HS3ST2: variants seen among roughly 807,000 people sequenced by gnomAD.
HS3ST2 encodes the protein heparan sulfate glucosamine 3-O-sulfotransferase 2.
In HS3ST2, 17 loss-of-function variants were observed where a neutral mutation model predicts 26.3. The ratio of observed to expected loss-of-function variants is 0.65; its 90% CI spans 0.44 to 0.97. The LOEUF is 0.97. Among genes scored for constraint, HS3ST2 ranks in the 50% least tolerant of loss-of-function variants. The pLI is 0.00. For synonymous variants in HS3ST2, 237 were observed against 219.2 expected (o/e 1.08, Z -0.72); for missense variants, 402 against 501.2 (o/e 0.80, Z 1.89).
chr16:22,866,598 C>T (rs530893093), intron 1 of HS3ST2, among the ~76,000 whole-genome samples: 10 of 151,808 alleles, frequency 6.6e-5, no homozygotes, highest in Admixed American at 1.3e-4. Flanking sequence ...GGCAAGACCC[C>T]GTCTCTACAA....
At chr16:22,815,231 G>C in intron 1 of HS3ST2, 136 bp downstream of exon 1, 1 of 1,173,722 alleles carries the variant, frequency 8.5e-7, no homozygotes. Context: ...GGGCCATGGG[G>C]GGCTATAGCA....
At chr16:22,889,089 G>C (rs1266960106) in intron 1 of HS3ST2, among the ~76,000 whole-genome samples, 2 of 152,204 alleles carry the variant, frequency 1.3e-5, no homozygotes, top group African/African-American at 4.8e-5. Context: ...GACAGTCGAG[G>C]TCGGCCCATC....
chr16:22,882,406 G>A (rs1902000580), intron 1 of HS3ST2, among the ~76,000 whole-genome samples: 1 of 152,100 alleles, frequency 6.6e-6, no homozygotes, highest in Admixed American at 6.6e-5. Context: ...AGAGAACCTT[G>A]GAGATCAGTG....
At chr16:22,891,603 A>G (rs1361098901) in intron 1 of HS3ST2, among the ~76,000 whole-genome samples, 2 of 152,228 alleles carry the variant, frequency 1.3e-5, no homozygotes, top group Non-Finnish European at 2.9e-5. Flanking sequence ...TAAAAAATCA[A>G]TTTTAAAATT....
chr16:22,900,986 T>G (rs537196317), intron 1 of HS3ST2, among the ~76,000 whole-genome samples: 2 of 152,172 alleles, frequency 1.3e-5, no homozygotes, highest in Admixed American at 1.3e-4. Context: ...AGATAGCTGG[T>G]TTTTTTGAAA....
intron 1 of HS3ST2, among the ~76,000 whole-genome samples, chr16:22,885,130 C>T (rs924133014): frequency 2.0e-5 from 3 of 151,860 alleles, no homozygotes; most frequent in Admixed American, 6.6e-5. Flanking sequence ...CATAAGCCAT[C>T]GCTCCCAGCC....
chr16:22,908,714 C>G (rs1902385003), intron 1 of HS3ST2, among the ~76,000 whole-genome samples: 1 of 152,148 alleles, frequency 6.6e-6, no homozygotes, highest in African/African-American at 2.4e-5. Context: ...TCCTTTAATT[C>G]ATTAATCCAT....
chr16:22,814,824 C>T lies in HS3ST2; in HGVS notation c.214C>T (p.Pro72Ser). 1 of 1,576,534 alleles carries T rather than the reference C, an allele frequency of 6.3e-7. No individual in the cohort carries two copies. The highest frequency in any genetic ancestry group is 8.6e-7 in the Non-Finnish European group (1 of 1,162,112). Residue 72 changes from proline to serine, a missense_variant, in exon 1 of 2, where the codon CCC becomes TCC. Around this residue, in one of 2 missense-constraint regions of HS3ST2, gnomAD observed 165 missense variants for 154.6 expected, o/e 1.07. Coordinates refer to ENST00000261374, the MANE Select transcript of HS3ST2 (RefSeq NM_006043.2). ...CCAGAAACTTCTCCAGAAGTCCCGC[C>T]CCTGTGATCCCTCCGGGCCGACGCC... ...GGQKLLQKSR[P>S]CDPSGPTPSE...
chr16:22,842,813 C>G (rs11642548), intron 1 of HS3ST2, among the ~76,000 whole-genome samples: 2 of 152,268 alleles, frequency 1.3e-5, no homozygotes, highest in East Asian at 3.9e-4. Context: ...AAAACTTCCT[C>G]TACGATTTTT....
chr16:22,896,382 A>T (rs1208296162), intron 1 of HS3ST2, among the ~76,000 whole-genome samples: 2 of 152,194 alleles, frequency 1.3e-5, no homozygotes, highest in Non-Finnish European at 2.9e-5. Context: ...TTTCGTTCAG[A>T]CTAGGCTGAC....
chr16:22,823,070 T>C (rs575587702), intron 1 of HS3ST2, among the ~76,000 whole-genome samples: 1 of 152,286 alleles, frequency 6.6e-6, no homozygotes, highest in South Asian at 2.1e-4. Flanking sequence ...TGTGCAAGTA[T>C]AGTTAAAATA....
chr16:22,816,833 G>C (rs960193837), intron 1 of HS3ST2, among the ~76,000 whole-genome samples: 8 of 152,200 alleles, frequency 5.3e-5, no homozygotes, highest in Admixed American at 2.6e-4. Context: ...AGATCATTAT[G>C]ACACCTTTTG....
chr16:22,889,912 T>A (rs1042057957), intron 1 of HS3ST2, among the ~76,000 whole-genome samples: 9 of 152,162 alleles, frequency 5.9e-5, no homozygotes, highest in South Asian at 2.1e-4. Context: ...AAATATTTTT[T>A]AAAAAATAAA....
In HS3ST2 at chr16:22,814,334, A is replaced by C; in HGVS notation, c.-277A>C. 1 of 363,922 alleles carries C rather than the reference A, an allele frequency of 2.7e-6. No homozygotes were observed. Among genetic ancestry groups the C allele is most frequent in the Non-Finnish European group, 4.9e-6 (1 of 204,888 alleles). 22.5% of individuals were successfully genotyped at this position (363,922 alleles called of 1,614,324 possible). On this transcript the variant is annotated 5_prime_UTR_variant, in exon 1 of 2. Coordinates refer to ENST00000261374, the MANE Select transcript of HS3ST2 (RefSeq NM_006043.2). ...AACCCGGCGCACGTAAGAGCCTGGG[A>C]GCGCCCGAGCCGCCCGGCTGCCCGG...
intron 1 of HS3ST2, among the ~76,000 whole-genome samples, chr16:22,909,069 TC>T (rs1902389446): frequency 6.6e-6 from 1 of 152,220 alleles, no homozygotes; most frequent in African/African-American, 2.4e-5. Flanking sequence ...AGGAATCTCT[TC>T]CAGGGTTTTA....
chr16:22,902,525 C>T (rs1180481890), intron 1 of HS3ST2, among the ~76,000 whole-genome samples: 1 of 152,206 alleles, frequency 6.6e-6, no homozygotes, highest in African/African-American at 2.4e-5. Flanking sequence ...GAACACCTGG[C>T]ACATGAGTCT....
At chr16:22,826,902 A>G (rs1901094617) in intron 1 of HS3ST2, among the ~76,000 whole-genome samples, 1 of 152,246 alleles carries the variant, frequency 6.6e-6, no homozygotes, top group Non-Finnish European at 1.5e-5. Context: ...CATGCTGCTT[A>G]CTTTTCTACA....
At chr16:22,857,890 C>G (rs948515436) in intron 1 of HS3ST2, among the ~76,000 whole-genome samples, 7 of 152,110 alleles carry the variant, frequency 4.6e-5, no homozygotes, top group Admixed American at 2.6e-4. Context: ...CCATTTCCAT[C>G]TATAATTAAT....
At chr16:22,867,247 C>T (rs955277282) in intron 1 of HS3ST2, among the ~76,000 whole-genome samples, 1 of 152,018 alleles carries the variant, frequency 6.6e-6, no homozygotes, top group African/African-American at 2.4e-5. Flanking sequence ...CTCATATATA[C>T]CAAAATAAGT....
Sources: gnomAD v4.1 joint callset for allele counts (sites outside exome capture counted in the v4.1 genomes callset) on GRCh38, gnomAD v4.1.1 for gene constraint, gnomAD v4.1.1 regional missense constraint, MANE v1.5 for transcripts, NCBI Gene and HGNC (gene_info 2026-07-23, HGNC 2026-07-21) for gene names.